The following ADGRV1 variants were observed in gnomAD, a reference collection of about 807,000 sequenced individuals.
The protein encoded by ADGRV1 is G-protein coupled receptor 98.
A neutral mutation model predicts 596.2 loss-of-function variants in ADGRV1; 359 were observed. That is an observed-to-expected ratio of 0.60 (90% CI 0.55 to 0.66). ADGRV1 has a LOEUF of 0.66. Ranked by LOEUF, ADGRV1 falls within the 30% of genes least tolerant of loss-of-function variation. ADGRV1 has a pLI of 0.00. For missense variants in ADGRV1, 7,274 were observed against 7,575.6 expected (o/e 0.96, Z 1.48); for synonymous variants, 2,681 against 2,679.2 (o/e 1.00, Z -0.02).
At chr5:91,158,853 A>G (rs201315115) in intron 89 of ADGRV1, among the ~76,000 whole-genome samples, 30 of 11,820 alleles carry the variant, frequency 2.5e-3, no homozygotes, top group Admixed American at 9.4e-3. Flanking sequence ...GGATGGGTGG[A>G]TGGATGGATG....
chr5:90,644,140 C>A (rs1018387477), intron 14 of ADGRV1, among the ~76,000 whole-genome samples, 157 bp downstream of exon 14: 42 of 152,008 alleles, frequency 2.8e-4, no homozygotes, highest in African/African-American at 8.0e-4. Context: ...TATTTAGGAC[C>A]ATGATTTTTA....
chr5:91,086,894 A>G (rs1339702677), intron 86 of ADGRV1, among the ~76,000 whole-genome samples: 3 of 152,176 alleles, frequency 2.0e-5, no homozygotes, highest in Admixed American at 2.0e-4. Flanking sequence ...ATTTTTCTGT[A>G]AAGTAATTAT....
At chr5:90,578,802 C>G (rs1259323757) in intron 1 of ADGRV1, among the ~76,000 whole-genome samples, 1 of 152,166 alleles carries the variant, frequency 6.6e-6, no homozygotes, top group Non-Finnish European at 1.5e-5. Context: ...TGTTATTGGT[C>G]TATTCAGAGA....
chr5:90,765,992 C>T (rs1290920157), intron 59 of ADGRV1, among the ~76,000 whole-genome samples: 1 of 152,048 alleles, frequency 6.6e-6, no homozygotes, highest in Admixed American at 6.6e-5. Context: ...TCACTGCAAG[C>T]TCCACCTCCC....
chr5:90,627,126 G>A, intron 6 of ADGRV1, 85 bp from the exon 7 acceptor site: 1 of 709,874 alleles, frequency 1.4e-6, no homozygotes, highest in Non-Finnish European at 2.2e-6. Flanking sequence ...TAATTGTATT[G>A]AAACATAATG....
intron 85 of ADGRV1, among the ~76,000 whole-genome samples, chr5:91,066,623 C>A (rs1213266676): frequency 1.3e-5 from 2 of 152,142 alleles, no homozygotes; most frequent in Non-Finnish European, 2.9e-5. Context: ...CATAGCTGGT[C>A]CCAGCTCCTC....
chr5:90,661,335 A>G (rs1770262762), intron 21 of ADGRV1, among the ~76,000 whole-genome samples: 1 of 152,200 alleles, frequency 6.6e-6, no homozygotes, highest in Non-Finnish European at 1.5e-5. Context: ...ACTATGGCTT[A>G]AGAATCAATT....
chr5:90,754,263 T>C (rs1284844760), intron 54 of ADGRV1, among the ~76,000 whole-genome samples: 1 of 152,134 alleles, frequency 6.6e-6, no homozygotes, highest in Non-Finnish European at 1.5e-5. Flanking sequence ...TTAGAATAAT[T>C]TTATCCTGTG....
rs1251244163 is a variant in ADGRV1, at chr5:90,966,882, A to G, written c.17973+1351A>G. ...GGTATTTTTAAGGTTTTCATGTGAT[A>G]CTGTTTCATATGCATTTCTGAGTAT... On this transcript the variant is annotated intron_variant, in intron 84 of 89. Coordinates refer to ENST00000405460, the MANE Select transcript of ADGRV1 (RefSeq NM_032119.4). Among the ~76,000 whole-genome samples, 8 of 152,286 alleles carry G rather than the reference A, an allele frequency of 5.3e-5. No homozygotes were observed. In the East Asian group the frequency reaches 1.5e-3, roughly 29 times the overall value.
chr5:90,585,124 C>G (rs1256386847), intron 1 of ADGRV1, among the ~76,000 whole-genome samples: 2 of 152,134 alleles, frequency 1.3e-5, no homozygotes, highest in African/African-American at 2.4e-5. Flanking sequence ...ACAAATATAT[C>G]AGATGTCAAA....
In ADGRV1 at chr5:90,745,769, G is replaced by T; in HGVS notation, c.10948G>T (p.Ala3650Ser). The T allele has an allele frequency of 6.2e-7, 1 of 1,608,146 alleles. No homozygotes were observed. The change falls in exon 52 of 90, where the codon GCC (alanine) becomes TCC (serine). Residue 3650 changes from alanine to serine, a missense_variant. Ala to Ser is a moderately conservative substitution (Grantham distance 99, BLOSUM62 1). Transcript: ENST00000405460. ...VTITILSNDD[A>S]YGIVAFAQNS... is the part of the protein sequence containing the mutation. Reference sequence around the variant, plus strand: ...AATAACCATTCTGTCTAATGATGATGCCTATGGAATTGTTGCATTTGCTCA... The same window carrying T: ...AATAACCATTCTGTCTAATGATGATTCCTATGGAATTGTTGCATTTGCTCA...
chr5:90,829,575 C>T (rs896047226), intron 77 of ADGRV1, among the ~76,000 whole-genome samples: 2 of 152,078 alleles, frequency 1.3e-5, no homozygotes, highest in Non-Finnish European at 2.9e-5. Context: ...TTCAGAACCT[C>T]CAACACTAGC....
At chr5:90,564,793 AT>A (rs1254250565) in intron 1 of ADGRV1, among the ~76,000 whole-genome samples, 1 of 87,952 alleles carries the variant, frequency 1.1e-5, no homozygotes, top group East Asian at 3.4e-4. Context: ...CGCCCGGCTA[AT>A]TTTTTGTATT....
At chr5:90,587,451 A>C (rs1758902762) in intron 1 of ADGRV1, among the ~76,000 whole-genome samples, 1 of 152,144 alleles carries the variant, frequency 6.6e-6, no homozygotes, top group South Asian at 2.1e-4. Flanking sequence ...TTTTACAAAG[A>C]AAAAAGTCAT....
At position 90,853,324 on chromosome 5, in the gene ADGRV1, T is replaced by A; in HGVS notation, c.17245T>A (p.Leu5749Met). The stretch of plus-strand genomic sequence containing the variant: ...TGATAGTTGCCCATATTTGTCAATA[T>A]TGGCTCTTCACTGGTATCCTCAGCA... ...ILDSCPYLSI[L>M]ALHWYPQQIN... The change falls in exon 80 of 90, where the codon TTG (leucine) becomes ATG (methionine). Residue 5749 changes from leucine to methionine, a missense_variant. Around this residue, in one of 5 missense-constraint regions of ADGRV1, gnomAD observed 1,874 missense variants for 1,970.2 expected, o/e 0.95. Coordinates refer to ENST00000405460, the MANE Select transcript of ADGRV1 (RefSeq NM_032119.4). 1 of 1,612,700 alleles carries A rather than the reference T, an allele frequency of 6.2e-7. No individual in the cohort carries two copies. Among genetic ancestry groups the A allele is most frequent in the Non-Finnish European group, 8.5e-7 (1 of 1,179,040 alleles).
chr5:90,822,723 A>G (rs1490809073), intron 75 of ADGRV1, among the ~76,000 whole-genome samples: 6 of 152,162 alleles, frequency 3.9e-5, no homozygotes, highest in African/African-American at 1.4e-4. Flanking sequence ...CTTAAGCAGT[A>G]TGGCCATTTT....
intron 83 of ADGRV1, among the ~76,000 whole-genome samples, chr5:90,956,871 A>T (rs12522091): frequency 0.081 from 12,395 of 152,202 alleles, 820 homozygotes; most frequent in East Asian, 0.24. Context: ...TAACTGTGTG[A>T]CATCTGTGGA....
At chr5:90,752,717 A>G (rs577108136) in intron 53 of ADGRV1, among the ~76,000 whole-genome samples, 3 of 152,372 alleles carry the variant, frequency 2.0e-5, no homozygotes, top group Admixed American at 2.0e-4. Flanking sequence ...TGAAAGTTAT[A>G]TAAATCATTC....
At chr5:90,911,087 C>T (rs1014087366) in intron 83 of ADGRV1, among the ~76,000 whole-genome samples, 1 of 152,044 alleles carries the variant, frequency 6.6e-6, no homozygotes, top group Non-Finnish European at 1.5e-5. Context: ...GTTTTCTGTC[C>T]GTTCTACAAA....
Sources: allele counts gnomAD v4.1 joint callset (sites outside exome capture counted in the v4.1 genomes callset), GRCh38; gene constraint gnomAD v4.1.1; regional missense constraint gnomAD v4.1.1; transcripts MANE v1.5; gene names NCBI Gene and HGNC (gene_info 2026-07-23, HGNC 2026-07-21).